Variants in COL7A1 observed in about 807,000 individuals in gnomAD.
COL7A1 encodes collagen alpha-1(VII) chain.
COL7A1 carries 296 observed loss-of-function variants against 456.2 expected under a neutral mutation model. The observed-to-expected ratio is 0.65, with a 90% confidence interval of 0.59 to 0.71. The LOEUF (loss-of-function observed/expected upper bound fraction) is 0.71, where lower values mean the gene tolerates loss of function less well. Among genes scored for constraint, COL7A1 ranks in the 30% least tolerant of loss-of-function variants. The pLI is 0.00. For missense variants in COL7A1, 3,441 were observed against 4,017.2 expected (o/e 0.86, Z 3.88); for synonymous variants, 1,464 against 1,525.9 (o/e 0.96, Z 0.95).
In COL7A1 at chr3:48,592,958, GGA is replaced by G; in HGVS notation, c.683-22_683-21del. On this transcript the variant is annotated intron_variant, in intron 6 of 118. Coordinates refer to ENST00000681320, the MANE Select transcript of COL7A1 (RefSeq NM_000094.4). The surrounding 1 kb of genome is among the most constrained non-coding windows in gnomAD (Gnocchi z 7.6). ...CATCCGCTGGGAATGCGGGATCAGGGGATCAGGCAGGAGGATTGGGGTGGGCA... is the reference window on the plus strand; with the variant it reads ...CATCCGCTGGGAATGCGGGATCAGGGTCAGGCAGGAGGATTGGGGTGGGCA... The G allele has an allele frequency of 2.5e-6, 4 of 1,613,388 alleles. 1 individual carries two copies. In the South Asian group the frequency reaches 4.4e-5, roughly 18 times the overall value.
chr3:48,584,714 T>C lies in COL7A1; in HGVS notation c.4047+20A>G, dbSNP rs1318188177. 2 of 1,613,774 alleles carry C rather than the reference T, an allele frequency of 1.2e-6. No homozygotes were observed. On this transcript the variant is annotated intron_variant, in intron 35 of 118. Coordinates refer to ENST00000681320, the MANE Select transcript of COL7A1 (RefSeq NM_000094.4). ...TCCTCCCTGGGACATCCCGGCCGCC[T>C]CCCTTCCCCCTTCACCTACCGGCTC...
At position 48,569,242 on chromosome 3, in the gene COL7A1, A is replaced by T. The variant is rs575225140; in HGVS notation, c.7686+133T>A. On this transcript the variant is annotated intron_variant, in intron 103 of 118. Transcript: ENST00000681320. The surrounding 1 kb of genome is among the most constrained non-coding windows in gnomAD (Gnocchi z 4.9). ...GAGCCCCTCCTCTCGGCCACTCCAT[A>T]GTCAGCCACAGAACCCCTTCCCCCT... 8 of 1,097,196 alleles carry T rather than the reference A, an allele frequency of 7.3e-6. No homozygotes were observed. The East Asian group carries it at 1.9e-4, about 26-fold the overall frequency. 68.0% of individuals were successfully genotyped at this position (1,097,196 alleles called of 1,614,324 possible).
In COL7A1 at chr3:48,588,245, C is replaced by G; in HGVS notation, c.2710+37G>C. Reference sequence around the variant, plus strand: ...GCGGAGTCTGCCACAGCCCTGCCCCCAATGGTCCCTAACTTCCTCCTGGGG... The same window carrying G: ...GCGGAGTCTGCCACAGCCCTGCCCCGAATGGTCCCTAACTTCCTCCTGGGG... On this transcript the variant is annotated intron_variant, in intron 21 of 118. Transcript: ENST00000681320. This position sits in a 1 kb window ranked among gnomAD's most constrained non-coding sequence, Gnocchi z 4.6. 1 of 1,612,846 alleles carries G rather than the reference C, an allele frequency of 6.2e-7. No individual in the cohort carries two copies.
chr3:48,589,763 G>A (rs758108749), intron 16 of COL7A1, 45 bp from the exon 17 acceptor site: 2 of 1,613,558 alleles, frequency 1.2e-6, no homozygotes, highest in South Asian at 2.2e-5. Context: ...CAGGCAGGAA[G>A]GAGTGGGGCT....
Position 48,571,346 on chromosome 3 carries a change from A to G in COL7A1, c.7069-68T>C. The G allele has an allele frequency of 6.3e-7, 1 of 1,588,440 alleles. No homozygotes were observed. ...GAGCACAGAGTTCAGACACGGGCTG[A>G]AAATATTCCCAGGGGAGTTCTGATG... On this transcript the variant is annotated intron_variant, in intron 92 of 118. Transcript: ENST00000681320. This position sits in a 1 kb window ranked among gnomAD's most constrained non-coding sequence, Gnocchi z 4.6.
At chr3:48,577,402 T>C (rs2044386565) in intron 65 of COL7A1, among the ~76,000 whole-genome samples, 1 of 152,256 alleles carries the variant, frequency 6.6e-6, no homozygotes, top group Non-Finnish European at 1.5e-5. Flanking sequence ...TCTTGGCCCA[T>C]GTCTGCATAT....
chr3:48,589,766 G>A, intron 16 of COL7A1, 48 bp from the exon 17 acceptor site: 1 of 1,613,442 alleles, frequency 6.2e-7, no homozygotes, highest in Non-Finnish European at 8.5e-7. Context: ...GCAGGAAGGA[G>A]TGGGGCTATC....
rs2043909617 is a variant in COL7A1 at position 48,571,401 on chromosome 3, G to A, written c.7069-123C>T. 8.0e-7 allele frequency: 1 copy of A among 1,257,210 alleles called. No individual in the cohort carries two copies. Among genetic ancestry groups the A allele is most frequent in the Non-Finnish European group, 1.1e-6 (1 of 872,370 alleles). The allele number at this position is 1,257,210 out of a possible 1,614,324, so 77.9% of individuals were successfully genotyped here. On this transcript the variant is annotated intron_variant, in intron 92 of 118. Coordinates refer to ENST00000681320, the MANE Select transcript of COL7A1 (RefSeq NM_000094.4). The surrounding 1 kb of genome is among the most constrained non-coding windows in gnomAD (Gnocchi z 4.6). ...CATGAACACATGGGAACTCAGACAT[G>A]CGACCAAGAATTGGCTCACAGGAGC...
chr3:48,581,437 C>T lies in COL7A1; in HGVS notation c.4818+11G>A, dbSNP rs199647542. 660 of 1,613,984 alleles carry T rather than the reference C, an allele frequency of 4.1e-4. 6 individuals carry two copies. The highest frequency in any genetic ancestry group is 8.3e-5 in the Non-Finnish European group (98 of 1,180,008). On this transcript the variant is annotated intron_variant, in intron 51 of 118. Transcript: ENST00000681320. This position sits in a 1 kb window ranked among gnomAD's most constrained non-coding sequence, Gnocchi z 5.8. ...GAAGCCTTGAGGTTGCCCAGGGTAA[C>T]GGGTACTCACTGGGGGTCCTGCTCT...
Position 48,565,724 on chromosome 3 carries a change from G to A in COL7A1, c.8408-56C>T. On this transcript the variant is annotated intron_variant, in intron 114 of 118. Coordinates refer to ENST00000681320, the MANE Select transcript of COL7A1 (RefSeq NM_000094.4). The surrounding 1 kb of genome is among the most constrained non-coding windows in gnomAD (Gnocchi z 4.5). ...ATGACAGAGAGAAGGATGGGAAGAT[G>A]GAGAGACAGACAGAGACACACAGGC... 1.3e-6 allele frequency: 2 copies of A among 1,535,870 alleles called. No individual in the cohort carries two copies. The highest frequency in any genetic ancestry group is 1.8e-6 in the Non-Finnish European group (2 of 1,123,804).
In COL7A1 at chr3:48,589,624, G is replaced by C; in HGVS notation, c.2145C>G (p.Tyr715Ter). The C allele has an allele frequency of 1.9e-6, 3 of 1,613,422 alleles. No homozygotes were observed. The highest frequency in any genetic ancestry group is 2.5e-6 in the Non-Finnish European group (3 of 1,179,966). ...CGTGGGCTGAGTGCCAGGAAACCCTGTATCCTGTGGCGCCAGGAACCCTGG... is the reference window on the plus strand; with the variant it reads ...CGTGGGCTGAGTGCCAGGAAACCCTCTATCCTGTGGCGCCAGGAACCCTGG... ...TWTRVPGATG[Y>*]RVSWHSAHGP... Residue 715 changes from tyrosine to a stop codon, truncating the protein, a stop_gained, in exon 17 of 119, where the codon TAC (tyrosine) becomes TAG (stop). Coordinates refer to ENST00000681320, the MANE Select transcript of COL7A1 (RefSeq NM_000094.4). LOFTEE classifies it high-confidence loss of function.
Position 48,574,865 on chromosome 3 carries a change from C to T in COL7A1, c.6280G>A (p.Val2094Met), listed in dbSNP as rs2044179862. ...PGPPGPPGPK[V>M]SVDEPGPGLS... ...CCAGGACCTGGCTCATCCACAGACA[C>T]CTACAAACACAAGGTCACAGGGGAG... The change falls in exon 77 of 119, where the codon GTG (valine) becomes ATG (methionine). Residue 2094 changes from valine (V) to methionine (M), a missense_variant and splice_region_variant. Val to Met is a conservative substitution (Grantham distance 21). Transcript: ENST00000681320. The surrounding 1 kb of genome is among the most constrained non-coding windows in gnomAD (Gnocchi z 5.0). The T allele has an allele frequency of 1.2e-6, 2 of 1,613,710 alleles. No homozygotes were observed. Among genetic ancestry groups the T allele is most frequent in the African/African-American group, 1.3e-5 (1 of 74,862 alleles).
In COL7A1 at chr3:48,573,746, C is replaced by T; in HGVS notation, c.6538-21G>A. 1.9e-6 allele frequency: 3 copies of T among 1,613,756 alleles called. No homozygotes were observed. Among genetic ancestry groups the T allele is most frequent in the Non-Finnish European group, 2.5e-6 (3 of 1,179,874 alleles). On this transcript the variant is annotated intron_variant, in intron 81 of 118. Coordinates refer to ENST00000681320, the MANE Select transcript of COL7A1 (RefSeq NM_000094.4). The surrounding 1 kb of genome is among the most constrained non-coding windows in gnomAD (Gnocchi z 5.5). The stretch of plus-strand genomic sequence containing the variant: ...CCACCCTGTTGTGGCGAAAAAGAGT[C>T]TGATGAGGGGGAGTTAGCCGCACCC...
At position 48,584,366 on chromosome 3, in the gene COL7A1, CA is replaced by C. The variant is rs1575466699; in HGVS notation, c.4128del (p.Gly1377AspfsTer22). 3 of 1,613,750 alleles carry C rather than the reference CA, an allele frequency of 1.9e-6. No homozygotes were observed. Among genetic ancestry groups the C allele is most frequent in the South Asian group, 1.1e-5 (1 of 91,088 alleles). ...GGGTCCCCCAGTGGTCCACGAGGTC[CA>C]GGGGGGCCCTGATGGAGGAGACAAA... ...RKGDPGPSGP[P>X]GPRGPLGDPG... On this transcript the variant is annotated frameshift_variant, in exon 37 of 119. Coordinates refer to ENST00000681320, the MANE Select transcript of COL7A1 (RefSeq NM_000094.4). LOFTEE classifies it high-confidence loss of function.
In COL7A1 at chr3:48,594,280, G is replaced by A; in HGVS notation, c.266+88C>T. ...CAAAACTTGTTTCTGCAAAGACCTG[G>A]CCTGGGGTTTCCAGGGTCTCCTCCC... On this transcript the variant is annotated intron_variant, in intron 3 of 118. Coordinates refer to ENST00000681320, the MANE Select transcript of COL7A1 (RefSeq NM_000094.4). This position sits in a 1 kb window ranked among gnomAD's most constrained non-coding sequence, Gnocchi z 5.5. 4 of 1,502,806 alleles carry A rather than the reference G, an allele frequency of 2.7e-6. No homozygotes were observed. Among genetic ancestry groups the A allele is most frequent in the Non-Finnish European group, 3.6e-6 (4 of 1,095,948 alleles). 93.1% of individuals were successfully genotyped at this position (1,502,806 alleles called of 1,614,324 possible). A position where few individuals can be genotyped will look rare whatever the true frequency, so the allele number is the denominator to read the frequency against.
At chr3:48,576,484 C>A in intron 69 of COL7A1, 38 bp downstream of exon 69, 1 of 1,612,478 alleles carries the variant, frequency 6.2e-7, no homozygotes. Flanking sequence ...GCCTGGTCAG[C>A]CCCCTCACCA....
In COL7A1 at chr3:48,579,122, AT is replaced by A; in HGVS notation, c.5388+74del. On this transcript the variant is annotated intron_variant, in intron 62 of 118. Coordinates refer to ENST00000681320, the MANE Select transcript of COL7A1 (RefSeq NM_000094.4). This position sits in a 1 kb window ranked among gnomAD's most constrained non-coding sequence, Gnocchi z 4.4. ...AGCTCGTCAAGGCCAAGACCAACCA[AT>A]GAGGCTGGGGTCTAGGGTCCTCATG... 6.4e-7 allele frequency: 1 copy of A among 1,573,878 alleles called. No homozygotes were observed. The highest frequency in any genetic ancestry group is 8.7e-7 in the Non-Finnish European group (1 of 1,146,184).
In COL7A1 at chr3:48,572,824, G is replaced by A. The variant is rs756212017; in HGVS notation, c.6831+38C>T. ...TCCTCATATTTCAGGCCCACAGCTG[G>A]GCACCACACCCTAGCGAGCTGCCCC... On this transcript the variant is annotated intron_variant, in intron 87 of 118. Transcript: ENST00000681320. The surrounding 1 kb of genome is among the most constrained non-coding windows in gnomAD (Gnocchi z 4.6). 6.2e-7 allele frequency: 1 copy of A among 1,613,562 alleles called. No individual in the cohort carries two copies. The highest frequency in any genetic ancestry group is 1.1e-5 in the South Asian group (1 of 91,058).
Position 48,564,076 on chromosome 3 carries a change from T to C in COL7A1, c.*330A>G. On this transcript the variant is annotated 3_prime_UTR_variant, in exon 119 of 119. Transcript: ENST00000681320. This position sits in a 1 kb window ranked among gnomAD's most constrained non-coding sequence, Gnocchi z 6.0. ...TTCCCAAACAGTCACAACAGGAGCC[T>C]TTTAAAACAGCAGCTTTAATGCCCC... 4.7e-6 allele frequency: 2 copies of C among 423,862 alleles called. No individual in the cohort carries two copies. Among genetic ancestry groups the C allele is most frequent in the Admixed American group, 3.5e-5 (1 of 28,642 alleles). The allele number at this position is 423,862 out of a possible 1,614,324, so 26.3% of individuals were successfully genotyped here.
Sources: gnomAD v4.1 joint callset for allele counts (sites outside exome capture counted in the v4.1 genomes callset) on GRCh38, gnomAD v4.1.1 for gene constraint, Gnocchi (gnomAD v3.1) non-coding constraint, MANE v1.5 for transcripts, NCBI Gene and HGNC (gene_info 2026-07-23, HGNC 2026-07-21) for gene names.